FIP1L1: variants seen among roughly 807,000 people sequenced by gnomAD.
The protein encoded by FIP1L1 is pre-mRNA 3'-end-processing factor FIP1.
In FIP1L1, 21 loss-of-function variants were observed where a neutral mutation model predicts 84.6. The ratio of observed to expected loss-of-function variants is 0.25; its 90% confidence interval spans 0.18 to 0.36. The LOEUF is 0.36. FIP1L1 is among the 10% of genes least tolerant of loss of function. The probability of loss-of-function intolerance (pLI) is 1.00; values close to 1 mark genes in which losing one functional copy is unlikely to be tolerated. For missense variants in FIP1L1, 526 were observed against 751.1 expected, an observed-to-expected ratio of 0.70 and a Z score of 3.50; for synonymous variants, 263 against 242.3, an observed-to-expected ratio of 1.09 and a Z score of -0.80.
chr4:53,398,884 G>A (rs1358916060), intron 9 of FIP1L1, among the ~76,000 whole-genome samples: 3 of 152,176 alleles, frequency 2.0e-5, no homozygotes, highest in Non-Finnish European at 4.4e-5. Context: ...GGGCCTGGTG[G>A]CTCACACCTG....
At chr4:53,415,476 T>C (rs1450138604) in intron 11 of FIP1L1, among the ~76,000 whole-genome samples, 1 of 152,022 alleles carries the variant, frequency 6.6e-6, no homozygotes, top group Non-Finnish European at 1.5e-5. Flanking sequence ...TTTCCTAATT[T>C]ATCATTTGAG....
chr4:53,445,140 C>T (rs140850694), intron 15 of FIP1L1, among the ~76,000 whole-genome samples: 3 of 152,230 alleles, frequency 2.0e-5, no homozygotes, highest in African/African-American at 4.8e-5. Flanking sequence ...TTATGCAGGA[C>T]GTTATAGCCA....
intron 10 of FIP1L1, among the ~76,000 whole-genome samples, chr4:53,402,528 C>T (rs754484633): frequency 6.6e-6 from 1 of 152,080 alleles, no homozygotes; most frequent in Non-Finnish European, 1.5e-5. Flanking sequence ...ATGGCAAAAC[C>T]CCATCTCAAC....
Position 53,399,834 on chromosome 4 carries a change from G to T in FIP1L1, c.810G>T (p.Pro270=), listed in dbSNP as rs149817693. The change falls in exon 10 of 18, where the codon CCG becomes CCT. Residue 270 remains proline (P), a synonymous_variant. Transcript: ENST00000337488. ...CTTTGTTCAAGACTGGGCTTCCACC[G>T]AGCAGGTTAGTTACATAGTTATAAC... ...PPSLFKTGLP[P]SRNSTSSQSQ... 6.2e-7 allele frequency: 1 copy of T among 1,604,264 alleles called. No homozygotes were observed. Among genetic ancestry groups the T allele is most frequent in the Non-Finnish European group, 8.5e-7 (1 of 1,171,964 alleles).
At position 53,385,954 on chromosome 4, in the gene FIP1L1, G is replaced by A. The variant is rs573012228; in HGVS notation, c.332+2078G>A. On this transcript the variant is annotated intron_variant, in intron 5 of 17. Transcript: ENST00000337488. The stretch of plus-strand genomic sequence containing the variant: ...TGATAAACATTTACTTATGCACAGC[G>A]TTTTCAGAAGCAAATTTAAAGAACA... Among the ~76,000 whole-genome samples the A allele has an allele frequency of 8.6e-5, 13 of 151,586 alleles. No individual in the cohort carries two copies. In the South Asian group the frequency reaches 1.9e-3, roughly 22 times the overall value.
intron 10 of FIP1L1, among the ~76,000 whole-genome samples, chr4:53,413,267 C>G (rs1757988966): frequency 6.6e-6 from 1 of 151,832 alleles, no homozygotes; most frequent in South Asian, 2.1e-4. Context: ...CAAAGGCACT[C>G]TGATTCCTTT....
At chr4:53,393,015 T>C (rs986220787) in intron 9 of FIP1L1, among the ~76,000 whole-genome samples, 4 of 152,204 alleles carry the variant, frequency 2.6e-5, no homozygotes, top group Non-Finnish European at 4.4e-5. Flanking sequence ...ATTTTTTCTT[T>C]ATGTATATTG....
chr4:53,442,292 C>T (rs1339358367), intron 13 of FIP1L1: 1 of 168,688 alleles, frequency 5.9e-6, no homozygotes, highest in African/African-American at 2.4e-5. Flanking sequence ...TATATATCTG[C>T]TTTCCTTCTA....
At chr4:53,396,459 T>G (rs6823086) in intron 9 of FIP1L1, among the ~76,000 whole-genome samples, 148,699 of 152,214 alleles carry the variant, frequency 0.98, 72,735 homozygotes, top group Middle Eastern at 1. Context: ...TAGATAGAGT[T>G]CAGTGGCGCG....
At chr4:53,438,749 G>A (rs1770611060) in intron 13 of FIP1L1, among the ~76,000 whole-genome samples, 1 of 152,068 alleles carries the variant, frequency 6.6e-6, no homozygotes, top group Non-Finnish European at 1.5e-5. Flanking sequence ...TAATTCTTTG[G>A]TCATATGTCT....
At chr4:53,447,301 T>C (rs1211991660) in intron 15 of FIP1L1, among the ~76,000 whole-genome samples, 1 of 152,098 alleles carries the variant, frequency 6.6e-6, no homozygotes, top group Non-Finnish European at 1.5e-5. Context: ...TATATTACTA[T>C]TTTTGCTCCT....
intron 10 of FIP1L1, among the ~76,000 whole-genome samples, chr4:53,404,992 T>C (rs948664091): frequency 3.3e-5 from 5 of 152,134 alleles, no homozygotes; most frequent in Non-Finnish European, 5.9e-5. Context: ...TCTTTTGCTG[T>C]GCAGAAGCTC....
Position 53,445,176 on chromosome 4 carries a change from G to C in FIP1L1, c.1285+1073G>C, listed in dbSNP as rs144389322. 3.5e-3 allele frequency among the ~76,000 whole-genome samples: 528 copies of C among 152,300 alleles called. 6 individuals are homozygous for C. Among genetic ancestry groups the C allele is most frequent in the African/African-American group, 0.012 (500 of 41,572 alleles). On this transcript the variant is annotated intron_variant, in intron 15 of 17. Transcript: ENST00000337488. ...TGCTGTGGAGTTTGGACCTTATTCA[G>C]AGGGCTGTGTGGAACCAGTTAGTTT...
At chr4:53,442,083 A>T (rs1465195447) in intron 13 of FIP1L1, among the ~76,000 whole-genome samples, 1 of 151,974 alleles carries the variant, frequency 6.6e-6, no homozygotes, top group Non-Finnish European at 1.5e-5. Context: ...TTCCTTCCAA[A>T]CTAATACACA....
intron 10 of FIP1L1, among the ~76,000 whole-genome samples, chr4:53,406,502 A>G (rs192533958): frequency 1.3e-5 from 2 of 152,306 alleles, no homozygotes; most frequent in African/African-American, 2.4e-5. Flanking sequence ...CGGCTTTGGT[A>G]TCAGGATGAT....
intron 11 of FIP1L1, 96 bp downstream of exon 11, chr4:53,414,818 AT>A: frequency 2.5e-6 from 2 of 785,454 alleles, no homozygotes; most frequent in Non-Finnish European, 4.1e-6. Flanking sequence ...ACTGTACCAT[AT>A]TTTTACCCTC....
intron 1 of FIP1L1, 51 bp downstream of exon 1, chr4:53,377,974 T>G (rs1337766385): frequency 2.8e-6 from 4 of 1,452,198 alleles, no homozygotes; most frequent in Non-Finnish European, 2.8e-6. Context: ...CCTCCCCTCT[T>G]GGCCCTCAAA....
At chr4:53,434,461 A>G (rs995600407) in intron 13 of FIP1L1, among the ~76,000 whole-genome samples, 3 of 149,552 alleles carry the variant, frequency 2.0e-5, no homozygotes, top group African/African-American at 7.3e-5. Flanking sequence ...GGCAAATAAC[A>G]TCTTAGTAAA....
chr4:53,393,319 T>G (rs1363499866), intron 9 of FIP1L1, among the ~76,000 whole-genome samples: 3 of 152,214 alleles, frequency 2.0e-5, no homozygotes. Flanking sequence ...TTAAAATTTA[T>G]TTTCATATCT....
Sources: gnomAD v4.1 joint callset for allele counts (sites outside exome capture counted in the v4.1 genomes callset) on GRCh38, gnomAD v4.1.1 for gene constraint, MANE v1.5 for transcripts, NCBI Gene and HGNC (gene_info 2026-07-23, HGNC 2026-07-21) for gene names.